The following HDGFL3 variants were observed in gnomAD, a reference collection of about 807,000 sequenced individuals.
HDGFL3 encodes HDGF like 3.
A neutral mutation model predicts 27.6 loss-of-function variants in HDGFL3; 6 were observed. The ratio of observed to expected loss-of-function variants is 0.22; its 90% CI spans 0.12 to 0.43. The LOEUF (loss-of-function observed/expected upper bound fraction) is 0.43, where lower values mean the gene tolerates loss of function less well. Ranked by LOEUF, HDGFL3 falls within the 20% of genes least tolerant of loss-of-function variation. The pLI is 1.00. For missense variants in HDGFL3, 207 were observed against 250.1 expected, an observed-to-expected ratio of 0.83 and a Z score of 1.16; for synonymous variants, 88 against 88.9, an observed-to-expected ratio of 0.99 and a Z score of 0.05.
intron 4 of HDGFL3, among the ~76,000 whole-genome samples, chr15:83,153,925 G>A (rs981693975): frequency 6.6e-6 from 1 of 151,980 alleles, no homozygotes; most frequent in African/African-American, 2.4e-5. Flanking sequence ...GACAGGTGTG[G>A]GGCCTTTTCC....
In HDGFL3 at chr15:83,207,521, G is replaced by T; in HGVS notation, c.-107C>A. On this transcript the variant is annotated 5_prime_UTR_variant, in exon 1 of 6. Transcript: ENST00000299633. This position sits in a 1 kb window ranked among gnomAD's most constrained non-coding sequence, Gnocchi z 4.8. ...CCGCGCTCCCCGCGGGCCTCAAGCC[G>T]GGCGGACGAGCGGCCGCTCCGACGA... The T allele has an allele frequency of 1.1e-6, 1 of 892,304 alleles. No individual in the cohort carries two copies. Among genetic ancestry groups the T allele is most frequent in the Non-Finnish European group, 1.5e-6 (1 of 678,522 alleles). The allele number at this position is 892,304 out of a possible 1,614,324, so 55.3% of individuals were successfully genotyped here.
intron 1 of HDGFL3, among the ~76,000 whole-genome samples, chr15:83,171,054 T>C (rs1555454558): frequency 6.6e-6 from 1 of 152,112 alleles, no homozygotes; most frequent in Non-Finnish European, 1.5e-5. Flanking sequence ...TGGCTACTAT[T>C]TTCTTTTTAT....
intron 3 of HDGFL3, among the ~76,000 whole-genome samples, chr15:83,121,420 A>G (rs1292576429): frequency 6.6e-6 from 1 of 152,100 alleles, no homozygotes; most frequent in African/African-American, 2.4e-5. Context: ...TTTGGGGTAT[A>G]TGTCTAGCAG....
Position 83,136,188 on chromosome 15 carries a change from G to T in HDGFL3, c.*3082C>A. 1 of 249,320 alleles carries T rather than the reference G, an allele frequency of 4.0e-6. No individual in the cohort carries two copies. Among genetic ancestry groups the T allele is most frequent in the Non-Finnish European group, 7.6e-6 (1 of 132,300 alleles). 15.4% of individuals were successfully genotyped at this position (249,320 alleles called of 1,614,324 possible). On this transcript the variant is annotated 3_prime_UTR_variant, in exon 6 of 6. Transcript: ENST00000299633. The stretch of plus-strand genomic sequence containing the variant: ...CTATTAGATTGAGCCACTAATGTTC[G>T]GTAAGGGGCACTTGATGGTTAAAAA...
At chr15:83,117,385 G>A (rs538907021) in intron 3 of HDGFL3, among the ~76,000 whole-genome samples, 3 of 152,230 alleles carry the variant, frequency 2.0e-5, no homozygotes, top group African/African-American at 7.2e-5. Flanking sequence ...GAGTGCAGTT[G>A]GTACCTGAAT....
intron 4 of HDGFL3, among the ~76,000 whole-genome samples, chr15:83,152,381 A>G (rs2036974618): frequency 6.6e-6 from 1 of 151,786 alleles, no homozygotes; most frequent in Non-Finnish European, 1.5e-5. Flanking sequence ...CCAACATGGC[A>G]AAACCCTGTC....
intron 1 of HDGFL3, among the ~76,000 whole-genome samples, chr15:83,206,808 G>C (rs969224451): frequency 6.6e-6 from 1 of 152,224 alleles, no homozygotes; most frequent in Non-Finnish European, 1.5e-5. Context: ...AACTCAACAA[G>C]TCTAGAAGGC....
chr15:83,146,336 A>C (rs2036892092), intron 5 of HDGFL3, among the ~76,000 whole-genome samples: 1 of 152,162 alleles, frequency 6.6e-6, no homozygotes, highest in African/African-American at 2.4e-5. Context: ...ATGGGTACTA[A>C]ATGTCTTGTG....
rs112822765 is a variant in HDGFL3, at chr15:83,204,560, A to G, written c.84+2771T>C. Among the ~76,000 whole-genome samples, 306 of 152,160 alleles carry G rather than the reference A, an allele frequency of 2.0e-3. 2 individuals carry two copies. The highest frequency in any genetic ancestry group is 7.0e-3 in the African/African-American group (292 of 41,516). ...GTAGATAAATGGGTCTTCACAGTTCAATTTTTTAAACTTATCTATATATTC... is the reference window on the plus strand; with the variant it reads ...GTAGATAAATGGGTCTTCACAGTTCGATTTTTTAAACTTATCTATATATTC... On this transcript the variant is annotated intron_variant, in intron 1 of 5. Transcript: ENST00000299633.
chr15:83,157,525 T>C lies in HDGFL3; in HGVS notation c.349A>G (p.Thr117Ala). The C allele has an allele frequency of 6.2e-7, 1 of 1,613,890 alleles. No homozygotes were observed. Among genetic ancestry groups the C allele is most frequent in the South Asian group, 1.1e-5 (1 of 91,062 alleles). The change falls in exon 4 of 6, where the codon ACT (threonine) becomes GCT (alanine). Residue 117 changes from threonine (T) to alanine (A), a missense_variant. Thr to Ala is a moderately conservative substitution (Grantham distance 58). Transcript: ENST00000299633. Reference sequence around the variant, plus strand: ...TCTTCCTCACTGCTTGCATCTGCAGTATTTCCACCTTCTCCCTCAGTTTCT... The same window carrying C: ...TCTTCCTCACTGCTTGCATCTGCAGCATTTCCACCTTCTCCCTCAGTTTCT... ...SSETEGEGGN[T>A]ADASSEEEGD...
chr15:83,120,604 T>C (rs2035138177), intron 3 of HDGFL3, among the ~76,000 whole-genome samples: 1 of 151,326 alleles, frequency 6.6e-6, no homozygotes, highest in Admixed American at 6.6e-5. Context: ...TTTTTTTTTT[T>C]TTTTGAGACA....
At chr15:83,194,110 T>C (rs1223096869) in intron 1 of HDGFL3, among the ~76,000 whole-genome samples, 1 of 152,208 alleles carries the variant, frequency 6.6e-6, no homozygotes, top group Non-Finnish European at 1.5e-5. Flanking sequence ...TAAGAGATAG[T>C]TGTACATTCA....
chr15:83,157,335 A>G, intron 4 of HDGFL3, 80 bp downstream of exon 4: 1 of 1,377,628 alleles, frequency 7.3e-7, no homozygotes, highest in Non-Finnish European at 1.0e-6. Context: ...TATGTACCCA[A>G]TAAACACATG....
At chr15:83,179,049 T>G (rs898750846) in intron 1 of HDGFL3, 3 of 152,206 alleles carry the variant, frequency 2.0e-5, no homozygotes, top group African/African-American at 7.2e-5. Context: ...TTCCTACTTA[T>G]CCCCAAGTAG....
Position 83,134,677 on chromosome 15 carries a change from GTATGGT to G in HDGFL3, c.*4587_*4592del, listed in dbSNP as rs1192505988. 1 of 152,232 alleles carries G rather than the reference GTATGGT, an allele frequency of 6.6e-6. No homozygotes were observed. Among genetic ancestry groups the G allele is most frequent in the African/African-American group, 2.4e-5 (1 of 41,454 alleles). 9.4% of individuals were successfully genotyped at this position (152,232 alleles called of 1,614,324 possible). On this transcript the variant is annotated 3_prime_UTR_variant, in exon 6 of 6. Coordinates refer to ENST00000299633, the MANE Select transcript of HDGFL3 (RefSeq NM_016073.4). Reference sequence around the variant, plus strand: ...AACTGCTCATATTTATTCTCTCAAAGTATGGTTGGCATTTCCCCAAATTTGGTGATT... The same window carrying G: ...AACTGCTCATATTTATTCTCTCAAAGTGGCATTTCCCCAAATTTGGTGATT...
rs1468411771 is a variant in HDGFL3 at position 83,131,255 on chromosome 15, C to T, written c.*8015G>A. ...TACTTTTACTGAAACATCTAGTAAA[C>T]TCTCAAGAATCTATGCAACTTAGTA... On this transcript the variant is annotated 3_prime_UTR_variant, in exon 6 of 6. Coordinates refer to ENST00000299633, the MANE Select transcript of HDGFL3 (RefSeq NM_016073.4). 6.6e-6 allele frequency: 1 copy of T among 152,118 alleles called. No individual in the cohort carries two copies. The highest frequency in any genetic ancestry group is 1.5e-5 in the Non-Finnish European group (1 of 68,042). The allele number at this position is 152,118 out of a possible 1,614,324, so 9.4% of individuals were successfully genotyped here.
intron 2 of HDGFL3, among the ~76,000 whole-genome samples, chr15:83,161,874 G>A (rs1403116859): frequency 6.6e-6 from 1 of 152,118 alleles, no homozygotes; most frequent in Non-Finnish European, 1.5e-5. Flanking sequence ...AATGCACTGA[G>A]GATGATATAT....
chr15:83,122,645 T>A, intron 3 of HDGFL3: 1 of 1,172,038 alleles, frequency 8.5e-7, no homozygotes, highest in Non-Finnish European at 1.2e-6. Context: ...ATTAAAAATA[T>A]TGTCTGGCCC....
At chr15:83,201,577 A>C in intron 1 of HDGFL3, among the ~76,000 whole-genome samples, 1 of 152,206 alleles carries the variant, frequency 6.6e-6, no homozygotes, top group East Asian at 1.9e-4. Context: ...TACTTTTCTA[A>C]TGCAAACAGG....
Sources: allele counts gnomAD v4.1 joint callset (sites outside exome capture counted in the v4.1 genomes callset), GRCh38; gene constraint gnomAD v4.1.1; non-coding constraint Gnocchi (gnomAD v3.1); transcripts MANE v1.5; gene names NCBI Gene and HGNC (gene_info 2026-07-23, HGNC 2026-07-21).